ANO2: variants seen among roughly 807,000 people sequenced by gnomAD.
ANO2 encodes the protein anoctamin-2.
Under a neutral mutation model 124.2 loss-of-function variants are expected in ANO2, and 101 were observed. That is an observed-to-expected ratio of 0.81 (90% confidence interval 0.69 to 0.96). ANO2 has a LOEUF of 0.96. Among genes scored for constraint, ANO2 ranks in the 40% least tolerant of loss-of-function variants. The pLI, the probability that ANO2 is intolerant of heterozygous loss-of-function variation, is 0.00. For missense variants in ANO2, 1,293 were observed against 1,274.5 expected (o/e 1.01, Z -0.22); for synonymous variants, 486 against 482.5 (o/e 1.01, Z -0.09).
intron 22 of ANO2, 116 bp downstream of exon 22, chr12:5,577,839 A>G: frequency 9.6e-7 from 1 of 1,045,706 alleles, no homozygotes; most frequent in East Asian, 2.5e-5. Flanking sequence ...TGTCACCAAT[A>G]AAGCTACAAA....
At chr12:5,788,229 G>C (rs1172092951) in intron 10 of ANO2, among the ~76,000 whole-genome samples, 1 of 152,196 alleles carries the variant, frequency 6.6e-6, no homozygotes, top group Admixed American at 6.5e-5. Flanking sequence ...CTAACTCTCA[G>C]CCTGAAACAG....
At chr12:5,715,996 T>C (rs1290056222) in intron 14 of ANO2, among the ~76,000 whole-genome samples, 2 of 152,230 alleles carry the variant, frequency 1.3e-5, no homozygotes, top group Admixed American at 1.3e-4. Context: ...GACAACTTCC[T>C]ATGTTCTGAG....
intron 17 of ANO2, among the ~76,000 whole-genome samples, chr12:5,614,115 A>G (rs1478276445): frequency 6.6e-6 from 1 of 152,206 alleles, no homozygotes; most frequent in East Asian, 1.9e-4. Flanking sequence ...GTTGACGCCT[A>G]TTGGGAAATT....
intron 5 of ANO2, among the ~76,000 whole-genome samples, chr12:5,831,452 C>T (rs1591668716): frequency 6.6e-6 from 1 of 152,218 alleles, no homozygotes. Flanking sequence ...CAGGGAAGCA[C>T]CACAGGACAC....
intron 16 of ANO2, among the ~76,000 whole-genome samples, chr12:5,632,880 G>A (rs1023758854): frequency 3.9e-5 from 6 of 152,098 alleles, no homozygotes; most frequent in South Asian, 2.1e-4. Flanking sequence ...CTTCCTGCCC[G>A]CACACTCAGC....
intron 3 of ANO2, among the ~76,000 whole-genome samples, chr12:5,856,958 T>G (rs1309046598): frequency 2.0e-5 from 3 of 152,252 alleles, no homozygotes; most frequent in African/African-American, 7.2e-5. Flanking sequence ...GAATGCAGTT[T>G]TGTGGATCTA....
At position 5,788,998 on chromosome 12, in the gene ANO2, C is replaced by T. The variant is rs184487590; in HGVS notation, c.1055+10509G>A. On this transcript the variant is annotated intron_variant, in intron 10 of 24. Coordinates refer to ENST00000682330, the MANE Select transcript of ANO2 (RefSeq NM_001364791.2). ...TAGAGATGATCCTGATGCTGCTAGC[C>T]GGCTGTCAGAGCATCCGAGACCTAA... 1.2e-3 allele frequency among the ~76,000 whole-genome samples: 187 copies of T among 152,274 alleles called. 1 individual carries two copies. Among genetic ancestry groups the T allele is most frequent in the Non-Finnish European group, 2.2e-3 (153 of 68,022 alleles).
At chr12:5,601,178 C>T (rs974105119) in intron 19 of ANO2, among the ~76,000 whole-genome samples, 1 of 151,884 alleles carries the variant, frequency 6.6e-6, no homozygotes, top group African/African-American at 2.4e-5. Context: ...TTAACTTGCC[C>T]ACAGGGTGAG....
At chr12:5,767,488 T>C (rs1357003892) in intron 10 of ANO2, among the ~76,000 whole-genome samples, 1 of 152,156 alleles carries the variant, frequency 6.6e-6, no homozygotes, top group Non-Finnish European at 1.5e-5. Context: ...GGAGTGAGTA[T>C]TGGAGAGAAA....
At chr12:5,734,672 G>C (rs1282611632) in intron 13 of ANO2, among the ~76,000 whole-genome samples, 4 of 150,090 alleles carry the variant, frequency 2.7e-5, no homozygotes, top group East Asian at 2.0e-4. Context: ...TTTTGAGACA[G>C]AGTCTCACTC....
chr12:5,726,098 G>A (rs375067584), intron 14 of ANO2, among the ~76,000 whole-genome samples: 26 of 151,362 alleles, frequency 1.7e-4, no homozygotes, highest in Non-Finnish European at 2.9e-4. Context: ...AAACGTGTCC[G>A]GGATACAGCA....
At position 5,615,222 on chromosome 12, in the gene ANO2, T is replaced by C. The variant is rs1431621026; in HGVS notation, c.1892A>G (p.Tyr631Cys). The C allele has an allele frequency of 6.2e-7, 1 of 1,613,200 alleles. No individual in the cohort carries two copies. Among genetic ancestry groups the C allele is most frequent in the East Asian group, 2.2e-5 (1 of 44,848 alleles). ...KAFLLKFVNAYSPIFYVAFFK... is the reference protein window; with the variant it reads ...KAFLLKFVNACSPIFYVAFFK... ...AAAGGCCACATAGAAGATGGGGGAGTAGGCATTGACAAACTTGAGCAAGAA... is the reference window on the plus strand; with the variant it reads ...AAAGGCCACATAGAAGATGGGGGAGCAGGCATTGACAAACTTGAGCAAGAA... Residue 631 changes from tyrosine to cysteine, a missense_variant, in exon 17 of 25, where the codon TAC becomes TGC. Tyr to Cys is a radical substitution (Grantham distance 194). Transcript: ENST00000682330.
At chr12:5,650,981 G>T (rs901451290) in intron 14 of ANO2, among the ~76,000 whole-genome samples, 3 of 152,214 alleles carry the variant, frequency 2.0e-5, no homozygotes, top group African/African-American at 7.2e-5. Flanking sequence ...CTTTTAAAAT[G>T]GAAATAACAC....
chr12:5,612,430 T>C (rs986879123), intron 19 of ANO2, among the ~76,000 whole-genome samples: 2 of 152,160 alleles, frequency 1.3e-5, no homozygotes, highest in Non-Finnish European at 2.9e-5. Flanking sequence ...TACTTACTAG[T>C]TATGTGTACT....
At chr12:5,937,553 T>C (rs1467487115) in intron 1 of ANO2, among the ~76,000 whole-genome samples, 1 of 152,204 alleles carries the variant, frequency 6.6e-6, no homozygotes, top group Non-Finnish European at 1.5e-5. Context: ...CATGGATCAC[T>C]TATTTCTATT....
At chr12:5,878,904 T>C (rs1446816418) in intron 3 of ANO2, among the ~76,000 whole-genome samples, 1 of 152,176 alleles carries the variant, frequency 6.6e-6, no homozygotes, top group Non-Finnish European at 1.5e-5. Flanking sequence ...ACGCATACCT[T>C]ATAACATTTT....
intron 3 of ANO2, among the ~76,000 whole-genome samples, chr12:5,888,418 G>A (rs1454102121): frequency 1.3e-5 from 2 of 152,148 alleles, no homozygotes; most frequent in East Asian, 1.9e-4. Context: ...TGCCACCGCT[G>A]GCTCCAGCAG....
At chr12:5,584,139 C>CCCG (rs1555088600) in intron 20 of ANO2, 2,668 of 161,752 alleles carry the variant, frequency 0.016, 51 homozygotes, top group African/African-American at 0.039. Flanking sequence ...ACACCCCCCC[C>CCCG]CCGCCGCAAG....
At chr12:5,889,320 C>T (rs1341981191) in intron 3 of ANO2, among the ~76,000 whole-genome samples, 1 of 152,260 alleles carries the variant, frequency 6.6e-6, no homozygotes, top group Non-Finnish European at 1.5e-5. Flanking sequence ...GGCTGAAGGG[C>T]TCTTCAAGTG....
Sources: allele counts gnomAD v4.1 joint callset (sites outside exome capture counted in the v4.1 genomes callset), GRCh38; gene constraint gnomAD v4.1.1; transcripts MANE v1.5; gene names NCBI Gene and HGNC (gene_info 2026-07-23, HGNC 2026-07-21).